Variants in ZNF469 observed in about 807,000 individuals in gnomAD.
ZNF469 encodes zinc finger protein 469.
Under a neutral mutation model 1.0 loss-of-function variants are expected in ZNF469, and 1 was observed. The ratio of observed to expected loss-of-function variants is 1.00; its 90% CI spans 0.35 to 4.73. ZNF469 has a LOEUF of 4.73. Ranked by LOEUF, ZNF469 falls within the 30% of genes most tolerant of loss-of-function variation. ZNF469 has a pLI of 0.16. For missense variants in ZNF469, 6,100 were observed against 5,356.3 expected (o/e 1.14, Z -4.33); for synonymous variants, 2,703 against 2,363.4 (o/e 1.14, Z -4.17).
Position 88,434,704 on chromosome 16 carries a change from A to G in ZNF469, c.7234A>G (p.Ser2412Gly). 2 of 1,550,404 alleles carry G rather than the reference A, an allele frequency of 1.3e-6. No individual in the cohort carries two copies. The highest frequency in any genetic ancestry group is 1.7e-6 in the Non-Finnish European group (2 of 1,146,972). ...GGGCTTGGGAAGAACCACAGCCCCA[A>G]GCAGCACAGCCAGTGACTTCCAGTC... ...GLGLGRTTAP[S>G]STASDFQSDS... Residue 2412 changes from serine (S) to glycine (G), a missense_variant, in exon 3 of 3, where the codon AGC (serine) becomes GGC (glycine). Coordinates refer to ENST00000565624, the MANE Select transcript of ZNF469 (RefSeq NM_001367624.2).
the ZNF469 span, among the ~76,000 whole-genome samples, chr16:88,305,501 C>T: frequency 1.5e-3 from 219 of 148,418 alleles, no homozygotes; most frequent in African/African-American, 5.2e-3. Context: ...CAGGCACACA[C>T]GCACACCCTC....
At chr16:88,116,765 T>A in the ZNF469 span, among the ~76,000 whole-genome samples, 3,259 of 152,202 alleles carry the variant, frequency 0.021, 108 homozygotes, top group African/African-American at 0.074. Flanking sequence ...GGAACTGGCG[T>A]CATCAAACCA....
At chr16:88,338,506 C>T in the ZNF469 span, among the ~76,000 whole-genome samples, 3 of 152,140 alleles carry the variant, frequency 2.0e-5, no homozygotes, top group Non-Finnish European at 2.9e-5. Context: ...AGTATTGGGC[C>T]GTCTGTAGAG....
intron 1 of ZNF469, among the ~76,000 whole-genome samples, chr16:88,396,473 CTGAAGGGAGGCCGGGAGGAGACCCTCA>C (rs1904664390): frequency 1.4e-5 from 2 of 147,794 alleles, no homozygotes; most frequent in Non-Finnish European, 3.0e-5. Context: ...GGAGACCCTC[CTGAAGGGAGGCCGGGAGGAGACCCTCA>C]TGAAGGGAGG....
At chr16:88,244,419 GGATGGATGGATGGATAGGTGGATA>G in the ZNF469 span, among the ~76,000 whole-genome samples, 1 of 150,744 alleles carries the variant, frequency 6.6e-6, no homozygotes, top group Non-Finnish European at 1.5e-5. Flanking sequence ...ATGGATGGAT[GGATGGATGGATGGATAGGTGGATA>G]GATGGATGGA....
At chr16:88,307,101 C>A in the ZNF469 span, among the ~76,000 whole-genome samples, 1 of 152,230 alleles carries the variant, frequency 6.6e-6, no homozygotes, top group African/African-American at 2.4e-5. Context: ...GATCATACCA[C>A]ACATGGCCCT....
chr16:88,317,648 G>A, the ZNF469 span, among the ~76,000 whole-genome samples: 82 of 152,348 alleles, frequency 5.4e-4, no homozygotes, highest in Non-Finnish European at 1.5e-4. Context: ...TCTGGCCGGT[G>A]CAGAGGCCTT....
At chr16:88,410,413 C>G (rs1481205941) in intron 1 of ZNF469, among the ~76,000 whole-genome samples, 2 of 151,034 alleles carry the variant, frequency 1.3e-5, no homozygotes, top group African/African-American at 4.9e-5. Flanking sequence ...TGGTGCAGGT[C>G]ACGTGGTCAT....
the ZNF469 span, among the ~76,000 whole-genome samples, chr16:88,336,135 T>C: frequency 1.2e-4 from 16 of 133,340 alleles, no homozygotes; most frequent in East Asian, 7.4e-4. Flanking sequence ...ACACCACGCA[T>C]GTTCATCCTT....
At chr16:88,202,262 C>T in the ZNF469 span, among the ~76,000 whole-genome samples, 81 of 152,320 alleles carry the variant, frequency 5.3e-4, no homozygotes, top group African/African-American at 1.7e-3. Context: ...AGACACCAAC[C>T]GTGCATTTTC....
the ZNF469 span, among the ~76,000 whole-genome samples, chr16:88,106,616 G>C: frequency 6.6e-6 from 1 of 152,260 alleles, no homozygotes; most frequent in Admixed American, 6.5e-5. Flanking sequence ...AGCCCCCACT[G>C]TCTGTGGTCT....
the ZNF469 span, among the ~76,000 whole-genome samples, chr16:88,117,623 T>C: frequency 2.4e-3 from 44 of 17,976 alleles, no homozygotes; most frequent in African/African-American, 0.013. Context: ...GTGCCACGTG[T>C]CTTCATGGAC....
At chr16:88,283,350 C>G in the ZNF469 span, among the ~76,000 whole-genome samples, 343 of 151,248 alleles carry the variant, frequency 2.3e-3, no homozygotes, top group Non-Finnish European at 3.5e-3. Flanking sequence ...ACGCAGTACA[C>G]CCTGAAGTGT....
chr16:88,277,280 C>G, the ZNF469 span, among the ~76,000 whole-genome samples: 1 of 151,226 alleles, frequency 6.6e-6, no homozygotes, highest in Non-Finnish European at 1.5e-5. Context: ...TAGTGCTGCG[C>G]CACGCCGACG....
chr16:88,116,045 C>A, the ZNF469 span, among the ~76,000 whole-genome samples: 1 of 152,246 alleles, frequency 6.6e-6, no homozygotes, highest in African/African-American at 2.4e-5. Context: ...GAAAGAGAAA[C>A]TGCAGAGCGG....
the ZNF469 span, among the ~76,000 whole-genome samples, chr16:88,349,753 ATGCCCAGCAC>A: frequency 1.0e-4 from 12 of 119,022 alleles, no homozygotes; most frequent in African/African-American, 1.6e-4. Flanking sequence ...AAGTGCACAC[ATGCCCAGCAC>A]AATACACACC....
the ZNF469 span, among the ~76,000 whole-genome samples, chr16:88,231,175 C>T: frequency 1.3e-5 from 2 of 152,128 alleles, no homozygotes; most frequent in Admixed American, 1.3e-4. The surrounding 1 kb of genome is among the most constrained non-coding windows in gnomAD (Gnocchi z 4.5). Context: ...TGGGGGACTT[C>T]CAGGATAGCA....
At chr16:88,265,365 AG>A in the ZNF469 span, among the ~76,000 whole-genome samples, 1 of 152,188 alleles carries the variant, frequency 6.6e-6, no homozygotes, top group Non-Finnish European at 1.5e-5. Context: ...CAGGCAGAAC[AG>A]CCCAGCCTCA....
At chr16:88,203,061 G>A in the ZNF469 span, among the ~76,000 whole-genome samples, 1 of 152,188 alleles carries the variant, frequency 6.6e-6, no homozygotes, top group Non-Finnish European at 1.5e-5. Flanking sequence ...CGGGGGCCGT[G>A]AGTCAGGCTG....
Sources: allele counts gnomAD v4.1 joint callset (sites outside exome capture counted in the v4.1 genomes callset), GRCh38; gene constraint gnomAD v4.1.1; non-coding constraint Gnocchi (gnomAD v3.1); transcripts MANE v1.5; gene names NCBI Gene and HGNC (gene_info 2026-07-23, HGNC 2026-07-21).